FOXK2: variants seen among roughly 807,000 people sequenced by gnomAD.
FOXK2 encodes the protein forkhead box protein K2.
FOXK2 carries 24 observed loss-of-function variants against 53.3 expected under a neutral mutation model. The ratio of observed to expected loss-of-function variants is 0.45; its 90% CI spans 0.33 to 0.63. The LOEUF is 0.63. Ranked by LOEUF, FOXK2 falls within the 30% of genes least tolerant of loss-of-function variation. The probability of loss-of-function intolerance (pLI) is 0.03; values close to 1 mark genes in which losing one functional copy is unlikely to be tolerated. For synonymous variants in FOXK2, 505 were observed against 407.1 expected (o/e 1.24, Z -2.89); for missense variants, 952 against 910.5 (o/e 1.05, Z -0.59).
At position 82,584,113 on chromosome 17, in the gene FOXK2, C is replaced by T. The variant is rs759519151; in HGVS notation, c.1204C>T (p.Leu402=). Residue 402 remains leucine, a synonymous_variant, in exon 6 of 9, where the codon CTG becomes TTG. Coordinates refer to ENST00000335255, the MANE Select transcript of FOXK2 (RefSeq NM_004514.4). ...GTCGAGGGAAGGTTCGCCGGCCCCC[C>T]TGGAGCCTGAGCCTGGCGCTGCACA... ...SLSREGSPAP[L]EPEPGAAQPK... The T allele has an allele frequency of 2.5e-6, 4 of 1,611,358 alleles. No individual in the cohort carries two copies. The highest frequency in any genetic ancestry group is 1.7e-5 in the Admixed American group (1 of 59,956).
chr17:82,601,560 T>C lies in FOXK2; in HGVS notation c.*61T>C. 6.7e-7 allele frequency: 1 copy of C among 1,495,516 alleles called. No individual in the cohort carries two copies. 92.6% of individuals were successfully genotyped at this position (1,495,516 alleles called of 1,614,324 possible). On this transcript the variant is annotated 3_prime_UTR_variant, in exon 9 of 9. Coordinates refer to ENST00000335255, the MANE Select transcript of FOXK2 (RefSeq NM_004514.4). ...TGTGGTGCCAAAAGGAGACGCGGCC[T>C]CCCGCCAGCACTCGGGGGTGCAGGG...
intron 8 of FOXK2, chr17:82,596,023 C>T (rs1340929779): frequency 2.2e-5 from 25 of 1,144,850 alleles, no homozygotes; most frequent in Non-Finnish European, 2.6e-5. Context: ...AGTCACACTG[C>T]GCGTCTGTGC....
chr17:82,520,494 C>T (rs892605830), intron 1 of FOXK2, among the ~76,000 whole-genome samples, 187 bp downstream of exon 1: 3 of 151,970 alleles, frequency 2.0e-5, no homozygotes, highest in African/African-American at 7.3e-5. Flanking sequence ...CCCCGACCCC[C>T]GTCCTCCCGG....
chr17:82,540,619 C>T (rs1413183816), intron 1 of FOXK2, among the ~76,000 whole-genome samples: 1 of 152,178 alleles, frequency 6.6e-6, no homozygotes, highest in Non-Finnish European at 1.5e-5. Context: ...CTTCCTCCCA[C>T]ACGCCTGCCC....
At chr17:82,581,566 C>T (rs1291235312) in intron 4 of FOXK2, among the ~76,000 whole-genome samples, 1 of 151,398 alleles carries the variant, frequency 6.6e-6, no homozygotes, top group Non-Finnish European at 1.5e-5. Flanking sequence ...AGCTCTGCCT[C>T]CCGGGTTCAC....
intron 6 of FOXK2, among the ~76,000 whole-genome samples, 173 bp from the exon 7 acceptor site, chr17:82,585,731 T>C (rs1221702232): frequency 6.6e-6 from 1 of 152,224 alleles, no homozygotes; most frequent in Non-Finnish European, 1.5e-5. Flanking sequence ...ATACCCCTTT[T>C]AAAATACTAC....
chr17:82,529,755 C>T (rs537749575), intron 1 of FOXK2, among the ~76,000 whole-genome samples: 1 of 152,164 alleles, frequency 6.6e-6, no homozygotes, highest in Non-Finnish European at 1.5e-5. Context: ...TAACTCCTCC[C>T]TTTGCAGCTT....
intron 1 of FOXK2, among the ~76,000 whole-genome samples, chr17:82,562,771 G>A (rs565852688): frequency 6.6e-6 from 1 of 151,132 alleles, no homozygotes; most frequent in Admixed American, 6.6e-5. Flanking sequence ...AAGCAGTCAT[G>A]TAAACTAAGT....
chr17:82,586,459 AAAGGAGGAGAGGGGAGACCACAGGGAG>A lies in FOXK2; in HGVS notation c.1576+260_1576+286del, dbSNP rs1567985343. 1.1e-3 allele frequency among the ~76,000 whole-genome samples: 46 copies of A among 41,312 alleles called. 7 individuals are homozygous for A. The highest frequency in any genetic ancestry group is 1.3e-3 in the Non-Finnish European group (31 of 23,070). 27.1% of individuals were successfully genotyped at this position (41,312 alleles called of 152,430 possible). ...GAGGTCAAAGGTGGGCCGGGGGGGG[AAAGGAGGAGAGGGGAGACCACAGGGAG>A]GTCAAAGGTGGGCCGGGGGGGAAAG... On this transcript the variant is annotated intron_variant, in intron 7 of 8. Transcript: ENST00000335255.
chr17:82,571,070 G>A (rs1206956017), intron 3 of FOXK2, among the ~76,000 whole-genome samples: 1 of 152,114 alleles, frequency 6.6e-6, no homozygotes, highest in African/African-American at 2.4e-5. Context: ...GGGGAGGGGT[G>A]CTGCTGGCTG....
At chr17:82,524,671 G>T in intron 1 of FOXK2, among the ~76,000 whole-genome samples, 1 of 152,196 alleles carries the variant, frequency 6.6e-6, no homozygotes, top group Non-Finnish European at 1.5e-5. Flanking sequence ...ATGCAGGGCT[G>T]TGTGTAAGGA....
intron 1 of FOXK2, among the ~76,000 whole-genome samples, chr17:82,552,128 CA>C (rs2044683108): frequency 6.6e-6 from 1 of 152,262 alleles, no homozygotes; most frequent in South Asian, 2.1e-4. Flanking sequence ...CACACGCTCC[CA>C]GCCTGGCCAC....
At chr17:82,540,320 C>T (rs888641693) in intron 1 of FOXK2, among the ~76,000 whole-genome samples, 8 of 151,968 alleles carry the variant, frequency 5.3e-5, no homozygotes, top group African/African-American at 1.7e-4. Context: ...TGGGCTCAAC[C>T]GCTTGAATGA....
intron 1 of FOXK2, among the ~76,000 whole-genome samples, chr17:82,556,992 C>T (rs1394015196): frequency 2.0e-5 from 3 of 151,332 alleles, no homozygotes; most frequent in African/African-American, 7.3e-5. Flanking sequence ...CGTGAGCCAC[C>T]GTGTCCAGCC....
intron 1 of FOXK2, among the ~76,000 whole-genome samples, chr17:82,561,935 C>G (rs1383575978): frequency 6.6e-6 from 1 of 151,346 alleles, no homozygotes; most frequent in South Asian, 2.1e-4. Context: ...ACTGGGCGCA[C>G]AGATGTGAGC....
intron 1 of FOXK2, among the ~76,000 whole-genome samples, chr17:82,523,105 T>C (rs2044382350): frequency 6.6e-6 from 1 of 152,154 alleles, no homozygotes. Flanking sequence ...ATTCAGACCT[T>C]TTGAACAGTA....
In FOXK2 at chr17:82,520,154, G is replaced by C. The variant is rs1324357801; in HGVS notation, c.266G>C (p.Gly89Ala). The C allele has an allele frequency of 2.0e-5, 30 of 1,516,622 alleles. No homozygotes were observed. Among genetic ancestry groups the C allele is most frequent in the Non-Finnish European group, 2.5e-5 (28 of 1,132,050 alleles). 93.9% of individuals were successfully genotyped at this position (1,516,622 alleles called of 1,614,324 possible). A position where few individuals can be genotyped will look rare whatever the true frequency, so the allele number is the denominator to read the frequency against. ...GAGATCTTCACGCCCCCGGGCGGCG[G>C]CGGCCATGGCGGGGCCGCTCCGGAG... ...HLEIFTPPGG[G>A]GHGGAAPELP... Residue 89 changes from glycine to alanine, a missense_variant, in exon 1 of 9, where the codon GGC becomes GCC. This residue lies in a region of FOXK2 where 163 missense variants were observed against 165.5 expected (regional missense o/e 0.98). Coordinates refer to ENST00000335255, the MANE Select transcript of FOXK2 (RefSeq NM_004514.4).
chr17:82,543,222 A>G (rs184487442), intron 1 of FOXK2, among the ~76,000 whole-genome samples: 6 of 152,332 alleles, frequency 3.9e-5, no homozygotes, highest in Admixed American at 3.9e-4. Flanking sequence ...TGGACATGCT[A>G]TCAGAATATT....
chr17:82,582,756 A>C lies in FOXK2; in HGVS notation c.925A>C (p.Asn309His). ...TGTTTCATAGAATTCAATTCGCCAC[A>C]ATCTCTCTCTGAATCGTTATTTCAT... ...DKGWQNSIRHNLSLNRYFIKV... is the reference protein window; with the variant it reads ...DKGWQNSIRHHLSLNRYFIKV... Residue 309 changes from asparagine to histidine, a missense_variant, in exon 5 of 9, where the codon AAT becomes CAT. Coordinates refer to ENST00000335255, the MANE Select transcript of FOXK2 (RefSeq NM_004514.4). 1 of 1,586,080 alleles carries C rather than the reference A, an allele frequency of 6.3e-7. No homozygotes were observed. Among genetic ancestry groups the C allele is most frequent in the Non-Finnish European group, 8.5e-7 (1 of 1,170,384 alleles).
Sources: allele counts gnomAD v4.1 joint callset (sites outside exome capture counted in the v4.1 genomes callset), GRCh38; gene constraint gnomAD v4.1.1; regional missense constraint gnomAD v4.1.1; transcripts MANE v1.5; gene names NCBI Gene and HGNC (gene_info 2026-07-23, HGNC 2026-07-21).